The following TTC29 variants were observed in gnomAD, a reference collection of about 807,000 sequenced individuals.
TTC29 encodes the protein tetratricopeptide repeat protein 29.
In TTC29, 49 loss-of-function variants were observed where a neutral mutation model predicts 58.1. The ratio of observed to expected loss-of-function variants is 0.84; its 90% CI spans 0.67 to 1.07. The LOEUF (loss-of-function observed/expected upper bound fraction) is 1.07, where lower values mean the gene tolerates loss of function less well. Ranked by LOEUF, TTC29 falls within the 50% of genes least tolerant of loss-of-function variation. The pLI is 0.00. For missense variants in TTC29, 582 were observed against 555.6 expected (o/e 1.05, Z -0.48); for synonymous variants, 209 against 196.8 (o/e 1.06, Z -0.52).
intron 4 of TTC29, among the ~76,000 whole-genome samples, chr4:146,936,130 G>A (rs1735796634): frequency 6.6e-6 from 1 of 152,168 alleles, no homozygotes; most frequent in South Asian, 2.1e-4. Context: ...TAAGGCCTGA[G>A]AATTACCCAG....
At chr4:146,916,501 C>T (rs1174825365) in intron 4 of TTC29, among the ~76,000 whole-genome samples, 2 of 151,608 alleles carry the variant, frequency 1.3e-5, no homozygotes, top group Non-Finnish European at 3.0e-5. Context: ...AAGAATTGGG[C>T]TACCAACAGC....
In TTC29 at chr4:146,707,029, C is replaced by A; in HGVS notation, c.*129G>T. On this transcript the variant is annotated 3_prime_UTR_variant, in exon 13 of 13. Transcript: ENST00000325106. ...TAGTAACACACTGAAATGCAAAATC[C>A]AATGAAAAGAGTCATAGTCCGTTTT... 1.7e-6 allele frequency: 1 copy of A among 574,434 alleles called. No individual in the cohort carries two copies. Among genetic ancestry groups the A allele is most frequent in the Non-Finnish European group, 2.7e-6 (1 of 369,410 alleles). The allele number at this position is 574,434 out of a possible 1,614,324, so 35.6% of individuals were successfully genotyped here.
intron 10 of TTC29, among the ~76,000 whole-genome samples, chr4:146,812,337 A>T (rs894734316): frequency 6.6e-6 from 1 of 152,158 alleles, no homozygotes; most frequent in African/African-American, 2.4e-5. Flanking sequence ...AAAATTAGAG[A>T]CCACAAATAA....
chr4:146,860,192 A>G (rs1180628271), intron 8 of TTC29, among the ~76,000 whole-genome samples: 1 of 152,192 alleles, frequency 6.6e-6, no homozygotes, highest in African/African-American at 2.4e-5. Context: ...AAGCAACTAA[A>G]TGGAAACAAC....
intron 8 of TTC29, among the ~76,000 whole-genome samples, chr4:146,851,097 T>C (rs1405349016): frequency 1.3e-5 from 2 of 152,236 alleles, no homozygotes; most frequent in Admixed American, 1.3e-4. Context: ...ATGAATAGCA[T>C]AATCCTTGCA....
intron 4 of TTC29, among the ~76,000 whole-genome samples, chr4:146,932,059 T>C (rs916965322): frequency 6.6e-6 from 1 of 152,158 alleles, no homozygotes; most frequent in African/African-American, 2.4e-5. Context: ...GGCAAAACGA[T>C]CTTTTCATTC....
intron 5 of TTC29, among the ~76,000 whole-genome samples, chr4:146,908,655 T>C (rs1733685612): frequency 6.6e-6 from 1 of 152,222 alleles, no homozygotes; most frequent in Admixed American, 6.5e-5. Context: ...TTTCAAGTTA[T>C]AGTACTCTTT....
chr4:146,887,681 C>CA (rs2150243088), intron 6 of TTC29, among the ~76,000 whole-genome samples: 1 of 152,014 alleles, frequency 6.6e-6, no homozygotes, highest in East Asian at 1.9e-4. Flanking sequence ...ATTCTCAACC[C>CA]AGTTTTAAAC....
intron 11 of TTC29, among the ~76,000 whole-genome samples, chr4:146,728,440 C>T (rs191622720): frequency 6.6e-6 from 1 of 151,486 alleles, no homozygotes; most frequent in East Asian, 2.0e-4. Flanking sequence ...ATTTGCTTGC[C>T]CTTCAGCCTG....
chr4:146,708,324 A>ATATACATGTATGTGTGTGTG (rs1561046710), intron 11 of TTC29, among the ~76,000 whole-genome samples: 1 of 35,660 alleles, frequency 2.8e-5, no homozygotes, highest in African/African-American at 5.8e-5. Context: ...ATATATATAT[A>ATATACATGTATGTGTGTGTG]TATATATATA....
At chr4:146,721,034 A>G (rs1231363921) in intron 11 of TTC29, among the ~76,000 whole-genome samples, 1 of 152,152 alleles carries the variant, frequency 6.6e-6, no homozygotes, top group Non-Finnish European at 1.5e-5. Flanking sequence ...TTTAATCTGC[A>G]ATTATGGCAT....
intron 11 of TTC29, among the ~76,000 whole-genome samples, chr4:146,726,835 A>G (rs1207365128): frequency 1.3e-5 from 2 of 152,160 alleles, no homozygotes; most frequent in African/African-American, 4.8e-5. Flanking sequence ...AGAAAATAAT[A>G]GGCCCTAAGA....
At chr4:146,799,093 T>C (rs1238993573) in intron 11 of TTC29, among the ~76,000 whole-genome samples, 5 of 152,062 alleles carry the variant, frequency 3.3e-5, no homozygotes. Flanking sequence ...AGAGCTCAGA[T>C]CACTGGACTC....
chr4:146,891,585 C>T (rs1486930364), intron 6 of TTC29, among the ~76,000 whole-genome samples: 1 of 152,140 alleles, frequency 6.6e-6, no homozygotes, highest in Non-Finnish European at 1.5e-5. Flanking sequence ...TGACGCTGGG[C>T]AGCTGGGAGA....
intron 4 of TTC29, among the ~76,000 whole-genome samples, chr4:146,917,592 A>G (rs1236669803): frequency 1.7e-5 from 2 of 119,692 alleles, no homozygotes; most frequent in African/African-American, 3.4e-5. Context: ...TAGATATTAT[A>G]TACATTATAT....
At chr4:146,869,289 G>A (rs906550769) in intron 7 of TTC29, among the ~76,000 whole-genome samples, 6 of 152,028 alleles carry the variant, frequency 3.9e-5, no homozygotes, top group South Asian at 2.1e-4. Flanking sequence ...CCAAATAACC[G>A]CTGCTGAAGC....
chr4:146,737,601 G>GC (rs200867342), intron 11 of TTC29, among the ~76,000 whole-genome samples: 3,367 of 147,846 alleles, frequency 0.023, 107 homozygotes, highest in Non-Finnish European at 0.036. Flanking sequence ...GGGGGGGGGG[G>GC]GGCTACAAAC....
At chr4:146,881,452 G>A (rs1042248012) in intron 6 of TTC29, among the ~76,000 whole-genome samples, 2 of 152,134 alleles carry the variant, frequency 1.3e-5, no homozygotes, top group South Asian at 2.1e-4. Flanking sequence ...AAAGCTTTAC[G>A]TGTATTATAT....
chr4:146,721,864 T>C (rs1167332789), intron 11 of TTC29, among the ~76,000 whole-genome samples: 2 of 152,098 alleles, frequency 1.3e-5, no homozygotes, highest in African/African-American at 4.8e-5. Flanking sequence ...TAATAAGTCA[T>C]AAAACGATCT....
Sources: gnomAD v4.1 joint callset for allele counts (sites outside exome capture counted in the v4.1 genomes callset) on GRCh38, gnomAD v4.1.1 for gene constraint, MANE v1.5 for transcripts, NCBI Gene and HGNC (gene_info 2026-07-23, HGNC 2026-07-21) for gene names.